The following ADAMTS2 variants were observed in gnomAD, a reference collection of about 807,000 sequenced individuals.
ADAMTS2 encodes the protein ADAM metallopeptidase with thrombospondin type 1 motif 2.
A neutral mutation model predicts 123.0 loss-of-function variants in ADAMTS2; 50 were observed. The observed-to-expected ratio is 0.41, with a 90% CI of 0.32 to 0.51. The LOEUF (loss-of-function observed/expected upper bound fraction) is 0.51. Among genes scored for constraint, ADAMTS2 ranks in the 20% least tolerant of loss-of-function variants. The pLI is 0.35. For synonymous variants in ADAMTS2, 678 were observed against 695.4 expected, an observed-to-expected ratio of 0.98 and a Z score of 0.39; for missense variants, 1,494 against 1,705.2, an observed-to-expected ratio of 0.88 and a Z score of 2.18.
chr5:179,318,822 G>A (rs971224090), intron 2 of ADAMTS2, among the ~76,000 whole-genome samples: 2 of 152,320 alleles, frequency 1.3e-5, no homozygotes, highest in Admixed American at 1.3e-4. Flanking sequence ...GAGAGGCGGG[G>A]CCCCGAAGGG....
chr5:179,263,587 G>A (rs960794609), intron 3 of ADAMTS2, among the ~76,000 whole-genome samples: 2 of 152,344 alleles, frequency 1.3e-5, no homozygotes, highest in African/African-American at 2.4e-5. Flanking sequence ...CGTGAGCTGC[G>A]CTCCTGGCCG....
At chr5:179,135,762 A>C in intron 13 of ADAMTS2, 147 bp downstream of exon 13, 3 of 1,276,230 alleles carry the variant, frequency 2.4e-6, no homozygotes, top group Non-Finnish European at 2.2e-6. Flanking sequence ...ACATTTGCCA[A>C]GAGCCTGCCC....
intron 10 of ADAMTS2, among the ~76,000 whole-genome samples, chr5:179,149,832 A>G (rs1007723901): frequency 6.6e-6 from 1 of 152,182 alleles, no homozygotes; most frequent in African/African-American, 2.4e-5. Context: ...CTCCTCGGGA[A>G]CCAGGGGAGG....
chr5:179,311,916 T>A (rs1027634762), intron 2 of ADAMTS2, among the ~76,000 whole-genome samples: 4 of 152,220 alleles, frequency 2.6e-5, no homozygotes, highest in Non-Finnish European at 4.4e-5. Context: ...ACAAGTATCA[T>A]TGAATCATTT....
Position 179,224,216 on chromosome 5 carries a change from C to T in ADAMTS2, c.689-16501G>A, listed in dbSNP as rs539628468. On this transcript the variant is annotated intron_variant, in intron 3 of 21. Coordinates refer to ENST00000251582, the MANE Select transcript of ADAMTS2 (RefSeq NM_014244.5). ...ATGCTGTGCGCTTACTGCAGCCATGCGGTGGGTGCACGCTACCACCGTCTT... is the reference window on the plus strand; with the variant it reads ...ATGCTGTGCGCTTACTGCAGCCATGTGGTGGGTGCACGCTACCACCGTCTT... Among the ~76,000 whole-genome samples the T allele has an allele frequency of 1.2e-4, 18 of 152,168 alleles. No homozygotes were observed. In the South Asian group the frequency reaches 2.3e-3, roughly 19 times the overall value.
Position 179,116,268 on chromosome 5 carries a change from C to G in ADAMTS2, c.3179-1944G>C, listed in dbSNP as rs571769949. Among the ~76,000 whole-genome samples the G allele has an allele frequency of 4.7e-3, 603 of 128,028 alleles. 6 individuals are homozygous for G. The South Asian group carries it at 0.055, about 12-fold the overall frequency. The allele number at this position is 128,028 out of a possible 152,430, so 84.0% of individuals were successfully genotyped here. Reference sequence around the variant, plus strand: ...GAAGATGTGACCACGGCACCCCCCCCCCACCCCCCGCCACTTGAAGTCCCT... The same window carrying G: ...GAAGATGTGACCACGGCACCCCCCCGCCACCCCCCGCCACTTGAAGTCCCT... On this transcript the variant is annotated intron_variant, in intron 21 of 21. Transcript: ENST00000251582.
chr5:179,275,403 G>A (rs572961417), intron 2 of ADAMTS2, among the ~76,000 whole-genome samples: 2 of 152,270 alleles, frequency 1.3e-5, no homozygotes, highest in East Asian at 1.9e-4. Context: ...GTCTGTGGCT[G>A]AAGAACCGGC....
rs12657332 is a variant in ADAMTS2 at position 179,208,162 on chromosome 5, C to G, written c.689-447G>C. Among the ~76,000 whole-genome samples, 56 of 87,320 alleles carry G rather than the reference C, an allele frequency of 6.4e-4. 3 individuals carry two copies. The highest frequency in any genetic ancestry group is 0.011 in the Middle Eastern group (2 of 188). The allele number at this position is 87,320 out of a possible 152,430, so 57.3% of individuals were successfully genotyped here. On this transcript the variant is annotated intron_variant, in intron 3 of 21. Coordinates refer to ENST00000251582, the MANE Select transcript of ADAMTS2 (RefSeq NM_014244.5). The stretch of plus-strand genomic sequence containing the variant: ...AGAGCCACCCCTTGCCCACACTGCC[C>G]GATGCTGGAGTGGGTAGAGCCACCT...
At chr5:179,284,056 C>T (rs1473068962) in intron 2 of ADAMTS2, among the ~76,000 whole-genome samples, 3 of 151,178 alleles carry the variant, frequency 2.0e-5, no homozygotes, top group Non-Finnish European at 4.4e-5. Flanking sequence ...TCCAACCGGG[C>T]GCAGTGGCTC....
In ADAMTS2 at chr5:179,241,836, G is replaced by A. The variant is rs535922358; in HGVS notation, c.688+31075C>T. On this transcript the variant is annotated intron_variant, in intron 3 of 21. Coordinates refer to ENST00000251582, the MANE Select transcript of ADAMTS2 (RefSeq NM_014244.5). ...AAATAGTGTGTGTACCTATCTCTAC[G>A]CATTTTTTAAAAGGGGCAAGTGGGG... is the stretch of plus-strand genomic sequence containing the variant. Among the ~76,000 whole-genome samples the A allele has an allele frequency of 1.9e-3, 293 of 152,254 alleles. 1 individual carries two copies. Among genetic ancestry groups the A allele is most frequent in the African/African-American group, 6.2e-3 (258 of 41,560 alleles).
At chr5:179,182,909 T>C (rs1764080412) in intron 4 of ADAMTS2, among the ~76,000 whole-genome samples, 1 of 152,076 alleles carries the variant, frequency 6.6e-6, no homozygotes, top group African/African-American at 2.4e-5. Flanking sequence ...AAGATGGAGC[T>C]CCGAGGAGGG....
chr5:179,321,581 G>A (rs560897822), intron 2 of ADAMTS2, among the ~76,000 whole-genome samples: 13 of 152,240 alleles, frequency 8.5e-5, no homozygotes, highest in South Asian at 4.2e-4. Context: ...ACATGGTGGG[G>A]GGCCAAGGAG....
At chr5:179,330,580 A>G (rs1757455264) in intron 2 of ADAMTS2, among the ~76,000 whole-genome samples, 1 of 152,226 alleles carries the variant, frequency 6.6e-6, no homozygotes, top group Non-Finnish European at 1.5e-5. Flanking sequence ...GACACCTGGC[A>G]CACATTTCCC....
chr5:179,142,803 G>A (rs778077855), intron 10 of ADAMTS2, among the ~76,000 whole-genome samples: 10 of 152,142 alleles, frequency 6.6e-5, no homozygotes, highest in Non-Finnish European at 1.5e-4. Context: ...GCAGGACCAG[G>A]GCACTAAAAT....
rs985596773 is a variant in ADAMTS2, at chr5:179,307,563, C to T, written c.535-34499G>A. 3.3e-5 allele frequency among the ~76,000 whole-genome samples: 5 copies of T among 152,198 alleles called. No individual in the cohort carries two copies. Among genetic ancestry groups the T allele is most frequent in the Admixed American group, 1.3e-4 (2 of 15,288 alleles). On this transcript the variant is annotated intron_variant, in intron 2 of 21. Transcript: ENST00000251582. This position sits in a 1 kb window ranked among gnomAD's most constrained non-coding sequence, Gnocchi z 5.6. ...CTCTATGCTCCTCACGGCTGCCCCACAGAATCTCTGAAACACGACTCAGAC... is the reference window on the plus strand; with the variant it reads ...CTCTATGCTCCTCACGGCTGCCCCATAGAATCTCTGAAACACGACTCAGAC...
At position 179,128,072 on chromosome 5, in the gene ADAMTS2, A is replaced by G; in HGVS notation, c.2504T>C (p.Met835Thr). 2.5e-6 allele frequency: 4 copies of G among 1,613,964 alleles called. No individual in the cohort carries two copies. Among genetic ancestry groups the G allele is most frequent in the Non-Finnish European group, 3.4e-6 (4 of 1,180,020 alleles). ...GACATTCAGTGAGTCCTCATGGATC[A>G]TGTATTTGTACGTCAGTGAGACCCG... ...DTRVSLTYKY[M>T]IHEDSLNVDD... The change falls in exon 17 of 22, where the codon ATG becomes ACG. Residue 835 changes from methionine (M) to threonine (T), a missense_variant. Met to Thr is a moderately conservative substitution (Grantham distance 81). Transcript: ENST00000251582. The surrounding 1 kb of genome is among the most constrained non-coding windows in gnomAD (Gnocchi z 4.9).
intron 19 of ADAMTS2, 37 bp from the exon 20 acceptor site, chr5:179,122,810 C>T (rs1237364756): frequency 6.4e-7 from 1 of 1,551,214 alleles, no homozygotes. Context: ...GTTCACCTCC[C>T]ACACAGGGCC....
intron 20 of ADAMTS2, among the ~76,000 whole-genome samples, chr5:179,122,048 G>A (rs531649662): frequency 2.6e-5 from 4 of 152,192 alleles, no homozygotes; most frequent in South Asian, 4.1e-4. Context: ...CCCGCGCCCC[G>A]GGTTCCACCT....
Position 179,225,201 on chromosome 5 carries a change from C to G in ADAMTS2, c.689-17486G>C, listed in dbSNP as rs1360135938. On this transcript the variant is annotated intron_variant, in intron 3 of 21. Coordinates refer to ENST00000251582, the MANE Select transcript of ADAMTS2 (RefSeq NM_014244.5). The surrounding 1 kb of genome is among the most constrained non-coding windows in gnomAD (Gnocchi z 4.5). ...GGACTCTCAATTCAGCCCCGCACAGCCAAGGGCTCACCCACATCATGTGCG... is the reference window on the plus strand; with the variant it reads ...GGACTCTCAATTCAGCCCCGCACAGGCAAGGGCTCACCCACATCATGTGCG... 6.6e-6 allele frequency among the ~76,000 whole-genome samples: 1 copy of G among 152,242 alleles called. No individual in the cohort carries two copies. Among genetic ancestry groups the G allele is most frequent in the Non-Finnish European group, 1.5e-5 (1 of 68,050 alleles).
Sources: allele counts gnomAD v4.1 joint callset (sites outside exome capture counted in the v4.1 genomes callset), GRCh38; gene constraint gnomAD v4.1.1; non-coding constraint Gnocchi (gnomAD v3.1); transcripts MANE v1.5; gene names NCBI Gene and HGNC (gene_info 2026-07-23, HGNC 2026-07-21).